SYN3: variants seen among roughly 807,000 people sequenced by gnomAD.
The protein encoded by SYN3 is synapsin III.
A neutral mutation model predicts 65.8 loss-of-function variants in SYN3; 35 were observed. The observed-to-expected ratio is 0.53, with a 90% confidence interval of 0.41 to 0.70. The LOEUF (loss-of-function observed/expected upper bound fraction) is 0.70, where lower values mean the gene tolerates loss of function less well. SYN3 is among the 30% of genes least tolerant of loss of function. The pLI is 0.00. For missense variants in SYN3, 680 were observed against 749.0 expected, an observed-to-expected ratio of 0.91 and a Z score of 1.08; for synonymous variants, 270 against 292.9, an observed-to-expected ratio of 0.92 and a Z score of 0.80.
At chr22:32,660,294 C>T (rs891539364) in intron 6 of SYN3, among the ~76,000 whole-genome samples, 3 of 152,192 alleles carry the variant, frequency 2.0e-5, no homozygotes, top group African/African-American at 7.2e-5. Flanking sequence ...TCACCTGTAA[C>T]TTCAGTCAAA....
intron 13 of SYN3, among the ~76,000 whole-genome samples, chr22:32,517,609 G>GT (rs1345440436): frequency 1.3e-5 from 2 of 152,148 alleles, no homozygotes; most frequent in African/African-American, 2.4e-5. Flanking sequence ...ACAATTATCT[G>GT]TTTTTTATCT....
chr22:32,541,935 A>G (rs999439286), intron 7 of SYN3, among the ~76,000 whole-genome samples: 5 of 152,060 alleles, frequency 3.3e-5, no homozygotes, highest in African/African-American at 1.2e-4. Context: ...AGCTTTACAG[A>G]GGAGGTGAGC....
intron 4 of SYN3, among the ~76,000 whole-genome samples, chr22:32,889,660 G>A (rs1182990226): frequency 6.6e-6 from 1 of 151,834 alleles, no homozygotes; most frequent in East Asian, 1.9e-4. Flanking sequence ...ATGCCATTCT[G>A]TAATCTTTTT....
chr22:32,846,752 T>G (rs2048074678), intron 6 of SYN3, among the ~76,000 whole-genome samples: 1 of 152,200 alleles, frequency 6.6e-6, no homozygotes, highest in Non-Finnish European at 1.5e-5. Context: ...GTTAGCCACA[T>G]GAGAGGCACT....
chr22:32,841,779 T>C (rs896867781), intron 6 of SYN3, among the ~76,000 whole-genome samples: 1 of 152,064 alleles, frequency 6.6e-6, no homozygotes, highest in African/African-American at 2.4e-5. Flanking sequence ...AGCAAATCAC[T>C]ATGGTACATG....
At chr22:32,756,328 C>T (rs905456884) in intron 6 of SYN3, among the ~76,000 whole-genome samples, 3 of 152,002 alleles carry the variant, frequency 2.0e-5, no homozygotes, top group East Asian at 1.9e-4. Flanking sequence ...TGTTAAATGA[C>T]GAGTTAATGG....
chr22:32,774,008 TGAG>T (rs1033463580), intron 6 of SYN3, among the ~76,000 whole-genome samples: 4 of 151,978 alleles, frequency 2.6e-5, no homozygotes, highest in African/African-American at 9.7e-5. Flanking sequence ...AGAATGTGTC[TGAG>T]GAGCAAGAAG....
At position 32,646,102 on chromosome 22, in the gene SYN3, C is replaced by G. The variant is rs536188616; in HGVS notation, c.712-49366G>C. Among the ~76,000 whole-genome samples, 20 of 152,168 alleles carry G rather than the reference C, an allele frequency of 1.3e-4. No homozygotes were observed. The East Asian group carries it at 3.1e-3, about 24-fold the overall frequency. ...GGTGGATGGAGCCGCGGAAAGGGTG[C>G]CTACTGAGGTATGAGAATAGCAGGA... On this transcript the variant is annotated intron_variant, in intron 6 of 13. Transcript: ENST00000358763.
intron 7 of SYN3, among the ~76,000 whole-genome samples, chr22:32,569,537 ATCTCTCTCTCTCTCTCTCTC>A (rs142418236): frequency 0.014 from 1,630 of 113,530 alleles, 23 homozygotes; most frequent in South Asian, 0.045. Context: ...AAATCAATCA[ATCTCTCTCTCTCTCTCTCTC>A]TCTCTCTCTC....
At chr22:32,567,987 A>G (rs2146396810) in intron 7 of SYN3, among the ~76,000 whole-genome samples, 1 of 152,310 alleles carries the variant, frequency 6.6e-6, no homozygotes, top group Non-Finnish European at 1.5e-5. Flanking sequence ...AATGAGGATG[A>G]TCCCCAGTTT....
intron 9 of SYN3, among the ~76,000 whole-genome samples, chr22:32,536,243 C>T (rs1345833250): frequency 6.6e-6 from 1 of 152,218 alleles, no homozygotes; most frequent in Non-Finnish European, 1.5e-5. Flanking sequence ...CCACATGATT[C>T]AGTCGTGCCA....
At chr22:32,652,773 ACT>A (rs1345072192) in intron 6 of SYN3, among the ~76,000 whole-genome samples, 1 of 152,100 alleles carries the variant, frequency 6.6e-6, no homozygotes, top group Non-Finnish European at 1.5e-5. Context: ...CCTCAGGGTC[ACT>A]CCCTAGTTAG....
chr22:32,613,449 C>T (rs1480965790), intron 6 of SYN3, among the ~76,000 whole-genome samples: 3 of 152,128 alleles, frequency 2.0e-5, no homozygotes, highest in Admixed American at 2.0e-4. Flanking sequence ...TATGCCATGG[C>T]TAACTTTGAA....
chr22:32,845,265 C>T (rs1195154157), intron 6 of SYN3, among the ~76,000 whole-genome samples: 3 of 151,910 alleles, frequency 2.0e-5, no homozygotes, highest in Admixed American at 6.6e-5. Flanking sequence ...GATGCAATCT[C>T]GGCTCACTGC....
intron 6 of SYN3, among the ~76,000 whole-genome samples, chr22:32,631,028 T>A (rs1370566897): frequency 6.6e-6 from 1 of 152,104 alleles, no homozygotes; most frequent in Non-Finnish European, 1.5e-5. Context: ...GTGTGGTGGC[T>A]CACGCCTGTA....
At chr22:33,049,857 G>A (rs2054131353) in intron 1 of SYN3, among the ~76,000 whole-genome samples, 1 of 152,066 alleles carries the variant, frequency 6.6e-6, no homozygotes, top group South Asian at 2.1e-4. Context: ...AAGTGACCAG[G>A]TCTCATACTC....
rs542766762 is a variant in SYN3, at chr22:32,801,209, C to T, written c.711+63706G>A. Among the ~76,000 whole-genome samples, 6 of 152,336 alleles carry T rather than the reference C, an allele frequency of 3.9e-5. No homozygotes were observed. In the South Asian group the frequency reaches 1.2e-3, roughly 32 times the overall value. ...AAAGAGAGAGAGTTTGGGTCTTTCT[C>T]CTCTGTGCCTGCTCTCTCCAGAGAA... is the stretch of plus-strand genomic sequence containing the variant. On this transcript the variant is annotated intron_variant, in intron 6 of 13. Transcript: ENST00000358763. The surrounding 1 kb of genome is among the most constrained non-coding windows in gnomAD (Gnocchi z 4.7).
intron 6 of SYN3, among the ~76,000 whole-genome samples, chr22:32,660,425 G>A (rs2060200785): frequency 1.3e-5 from 2 of 152,146 alleles, no homozygotes; most frequent in African/African-American, 4.8e-5. Flanking sequence ...CCCACCAGAT[G>A]GCGGCATTCT....
intron 6 of SYN3, among the ~76,000 whole-genome samples, chr22:32,774,671 C>T (rs936836210): frequency 3.9e-5 from 6 of 152,126 alleles, no homozygotes; most frequent in Non-Finnish European, 7.4e-5. Flanking sequence ...CTCAGCTCAC[C>T]GCAAGCTCCG....
Sources: allele counts gnomAD v4.1 joint callset (sites outside exome capture counted in the v4.1 genomes callset), GRCh38; gene constraint gnomAD v4.1.1; non-coding constraint Gnocchi (gnomAD v3.1); transcripts MANE v1.5; gene names NCBI Gene and HGNC (gene_info 2026-07-23, HGNC 2026-07-21).